Variants in SENP3 observed in about 807,000 individuals in gnomAD.
SENP3 encodes sentrin-specific protease 3.
A neutral mutation model predicts 66.2 loss-of-function variants in SENP3; 11 were observed. The ratio of observed to expected loss-of-function variants is 0.17; its 90% CI spans 0.10 to 0.28. The LOEUF (loss-of-function observed/expected upper bound fraction) is 0.28. Ranked by LOEUF, SENP3 falls within the 10% of genes least tolerant of loss-of-function variation. SENP3 has a pLI of 1.00. For synonymous variants in SENP3, 292 were observed against 277.6 expected (o/e 1.05, Z -0.52); for missense variants, 548 against 743.7 (o/e 0.74, Z 3.06).
Position 7,563,672 on chromosome 17 carries a change from T to G in SENP3, c.596T>G (p.Leu199Arg). 1 of 1,612,560 alleles carries G rather than the reference T, an allele frequency of 6.2e-7. No individual in the cohort carries two copies. Among genetic ancestry groups the G allele is most frequent in the Non-Finnish European group, 8.5e-7 (1 of 1,179,544 alleles). Residue 199 changes from leucine to arginine, a missense_variant, in exon 2 of 11, where the codon CTG (leucine) becomes CGG (arginine). By Grantham distance (102) the Leu-to-Arg change is moderately radical (BLOSUM62 -2). Transcript: ENST00000321337. ...PRGPPPPRLG[L>R]LGALMAEDGV... is the part of the protein sequence containing the mutation. ...GGGCCACCTCCACCCCGGCTGGGTC[T>G]GCTAGGTGCTCTCATGGCTGAGGAT...
rs764217881 is a variant in SENP3 at position 7,570,453 on chromosome 17, A to C, written c.1439A>C (p.Tyr480Ser). The change falls in exon 8 of 11, where the codon TAT (tyrosine) becomes TCT (serine). Residue 480 changes from tyrosine (Y) to serine (S), a missense_variant. Physicochemically the swap from Tyr to Ser is moderately radical, Grantham distance 144. Coordinates refer to ENST00000321337, the MANE Select transcript of SENP3 (RefSeq NM_015670.6). The surrounding 1 kb of genome is among the most constrained non-coding windows in gnomAD (Gnocchi z 5.4). ...SVDVRRRTIT[Y>S]FDSQRTLNRR... ...GATGTGAGGCGACGCACCATCACCT[A>C]TTTTGACTCGCAGCGTACCCTAAAC... is the stretch of plus-strand genomic sequence containing the variant. 2 of 1,613,678 alleles carry C rather than the reference A, an allele frequency of 1.2e-6. No homozygotes were observed. Among genetic ancestry groups the C allele is most frequent in the Admixed American group, 1.7e-5 (1 of 60,000 alleles).
chr17:7,562,741 A>G lies in SENP3; in HGVS notation c.-11-325A>G. Among the ~76,000 whole-genome samples the G allele has an allele frequency of 6.6e-6, 1 of 152,148 alleles. No homozygotes were observed. The highest frequency in any genetic ancestry group is 1.9e-4 in the East Asian group (1 of 5,196). ...AGAAACTGCCCTTGTTGGGCCCTCAAAGGACAGCCCTGGTGGTATTAAAAT... is the reference window on the plus strand; with the variant it reads ...AGAAACTGCCCTTGTTGGGCCCTCAGAGGACAGCCCTGGTGGTATTAAAAT... On this transcript the variant is annotated intron_variant, in intron 1 of 10. Transcript: ENST00000321337. This position sits in a 1 kb window ranked among gnomAD's most constrained non-coding sequence, Gnocchi z 5.0.
In SENP3 at chr17:7,563,272, C is replaced by A. The variant is rs954014960; in HGVS notation, c.196C>A (p.Pro66Thr). The change falls in exon 2 of 11, where the codon CCC (proline) becomes ACC (threonine). Residue 66 changes from proline (P) to threonine (T), a missense_variant. Physicochemically the swap from Pro to Thr is conservative, Grantham distance 38. Around this residue, in one of 6 missense-constraint regions of SENP3, gnomAD observed 164 missense variants for 167.9 expected, o/e 0.98. Transcript: ENST00000321337. ...TTVPARRLPV[P>T]RPSFDASASE... is the part of the protein sequence containing the mutation. ...AGTGCCAGCCAGACGCCTCCCTGTC[C>A]CCCGACCCTCTTTTGATGCCTCAGC... The A allele has an allele frequency of 7.7e-6, 12 of 1,554,186 alleles. No homozygotes were observed. The East Asian group carries it at 2.2e-4, about 28-fold the overall frequency.
At position 7,561,936 on chromosome 17, in the gene SENP3, C is replaced by T. The variant is rs2071216780; in HGVS notation, c.-339C>T. The T allele has an allele frequency of 5.1e-6, 2 of 388,456 alleles. No individual in the cohort carries two copies. The highest frequency in any genetic ancestry group is 4.6e-6 in the Non-Finnish European group (1 of 219,114). 24.1% of individuals were successfully genotyped at this position (388,456 alleles called of 1,614,324 possible). A position where few individuals can be genotyped will look rare whatever the true frequency, so the allele number is the denominator to read the frequency against. ...CGCCGGGTGTGACGTACTAATCGTG[C>T]GCCACCGCTGCCGGTGGGCCCGGGG... On this transcript the variant is annotated 5_prime_UTR_variant, in exon 1 of 11. Transcript: ENST00000321337. The surrounding 1 kb of genome is among the most constrained non-coding windows in gnomAD (Gnocchi z 4.4).
chr17:7,564,914 G>A, intron 3 of SENP3, 45 bp from the exon 4 acceptor site: 1 of 1,607,436 alleles, frequency 6.2e-7, no homozygotes, highest in Non-Finnish European at 8.5e-7. Context: ...GACTCCTAGA[G>A]GAGAGTCTGG....
intron 7 of SENP3, among the ~76,000 whole-genome samples, chr17:7,567,453 A>G (rs1055070160): frequency 1.3e-5 from 2 of 151,688 alleles, no homozygotes; most frequent in African/African-American, 4.9e-5. Context: ...TGGGAGGCAG[A>G]GGTTGCAGTG....
rs777356735 is a variant in SENP3 at position 7,564,635 on chromosome 17, A to G, written c.726A>G (p.Ser242=). Residue 242 remains serine (S), a synonymous_variant, in exon 3 of 11, where the codon TCA becomes TCG. Transcript: ENST00000321337. ...SPLDPDSGLL[S]CTLPNGFGGQ... is the part of the protein sequence containing the mutation. The stretch of plus-strand genomic sequence containing the variant: ...TCCCCTGCCCTATAGGCCTCCTTTC[A>G]TGTACTCTGCCCAACGGTTTTGGGG... 8 of 1,613,744 alleles carry G rather than the reference A, an allele frequency of 5.0e-6. No individual in the cohort carries two copies. Among genetic ancestry groups the G allele is most frequent in the East Asian group, 2.2e-5 (1 of 44,890 alleles).
In SENP3 at chr17:7,563,406, G is replaced by GGGGGGCC; in HGVS notation, c.330_331insGGGGGCC (p.Pro111GlyfsTer79). On this transcript the variant is annotated frameshift_variant, in exon 2 of 11. Coordinates refer to ENST00000321337, the MANE Select transcript of SENP3 (RefSeq NM_015670.6). LOFTEE classifies it high-confidence loss of function. ...GGAGTCAGCTGGGAACCTCCCAGCG[G>GGGGGGCC]CCCCGCCCTTCCCGCCCCACTCATC... The GGGGGGCC allele has an allele frequency of 1.3e-6, 2 of 1,547,550 alleles. No individual in the cohort carries two copies. The highest frequency in any genetic ancestry group is 1.7e-6 in the Non-Finnish European group (2 of 1,144,046).
At position 7,564,591 on chromosome 17, in the gene SENP3, C is replaced by G. The variant is rs757526373; in HGVS notation, c.716-34C>G. On this transcript the variant is annotated intron_variant, in intron 2 of 10. Transcript: ENST00000321337. ...CCCATTGTGCTTTCCCCAGGCCAGTCTCTCATGCCCATTCCATTTCCCCTG... is the reference window on the plus strand; with the variant it reads ...CCCATTGTGCTTTCCCCAGGCCAGTGTCTCATGCCCATTCCATTTCCCCTG... 58 of 1,612,052 alleles carry G rather than the reference C, an allele frequency of 3.6e-5. No individual in the cohort carries two copies. The Admixed American group carries it at 9.7e-4, about 27-fold the overall frequency.
Position 7,570,422 on chromosome 17 carries a change from T to C in SENP3, c.1408T>C (p.Ser470Pro). 6.2e-7 allele frequency: 1 copy of C among 1,613,820 alleles called. No individual in the cohort carries two copies. Among genetic ancestry groups the C allele is most frequent in the Non-Finnish European group, 8.5e-7 (1 of 1,179,866 alleles). Reference sequence around the variant, plus strand: ...CCTGGAGGTGCATTGGTCCCTCATCTCTGTTGATGTGAGGCGACGCACCAT... The same window carrying C: ...CCTGGAGGTGCATTGGTCCCTCATCCCTGTTGATGTGAGGCGACGCACCAT... ...IHLEVHWSLI[S>P]VDVRRRTITY... The change falls in exon 8 of 11, where the codon TCT (serine) becomes CCT (proline). Residue 470 changes from serine (S) to proline (P), a missense_variant. Ser to Pro is a moderately conservative substitution (Grantham distance 74). This residue lies in a region of SENP3 where 81 missense variants were observed against 139.8 expected (regional missense o/e 0.58). Transcript: ENST00000321337. The surrounding 1 kb of genome is among the most constrained non-coding windows in gnomAD (Gnocchi z 5.4).
rs544419637 is a variant in SENP3, at chr17:7,564,738, G to A, written c.829G>A (p.Gly277Arg). 11 of 1,614,030 alleles carry A rather than the reference G, an allele frequency of 6.8e-6. No homozygotes were observed. The African/African-American group carries it at 8.0e-5, about 12-fold the overall frequency. Residue 277 changes from glycine (G) to arginine (R), a missense_variant, in exon 3 of 11, where the codon GGG becomes AGG. Gly to Arg is a moderately radical substitution (Grantham distance 125). Coordinates refer to ENST00000321337, the MANE Select transcript of SENP3 (RefSeq NM_015670.6). ...CCTCATCAGCAATGTGTGCAGCATCGGGGACCATGTGGCCCAGGAGCTTTT... is the reference window on the plus strand; with the variant it reads ...CCTCATCAGCAATGTGTGCAGCATCAGGGACCATGTGGCCCAGGAGCTTTT... ...SILISNVCSI[G>R]DHVAQELFQG...
rs377313690 is a variant in SENP3, at chr17:7,565,006, A to G, written c.1003A>G (p.Ser335Gly). Reference sequence around the variant, plus strand: ...AACGTATGGCAGCCTCATACCCCTCAGCACTGATGAGGTAGTAGAGAAGCT... The same window carrying G: ...AACGTATGGCAGCCTCATACCCCTCGGCACTGATGAGGTAGTAGAGAAGCT... ...LQTYGSLIPL[S>G]TDEVVEKLED... Residue 335 changes from serine (S) to glycine (G), a missense_variant, in exon 4 of 11, where the codon AGC becomes GGC. Ser to Gly is a moderately conservative substitution (Grantham distance 56). This residue lies in a region of SENP3 where 72 missense variants were observed against 137.9 expected (regional missense o/e 0.52). Coordinates refer to ENST00000321337, the MANE Select transcript of SENP3 (RefSeq NM_015670.6). The G allele has an allele frequency of 6.2e-7, 1 of 1,613,724 alleles. No individual in the cohort carries two copies.
Position 7,571,595 on chromosome 17 carries a change from G to T in SENP3, c.*112G>T. On this transcript the variant is annotated 3_prime_UTR_variant, in exon 11 of 11. Transcript: ENST00000321337. ...GCCTCTTCCCACTCACTTCCCTTTG[G>T]TTTTTCATATTTAAATGTTTCAATT... 4.5e-6 allele frequency: 3 copies of T among 665,894 alleles called. No individual in the cohort carries two copies. The highest frequency in any genetic ancestry group is 3.6e-5 in the South Asian group (2 of 56,018). The allele number at this position is 665,894 out of a possible 1,614,324, so 41.2% of individuals were successfully genotyped here. A position where few individuals can be genotyped will look rare whatever the true frequency, so the allele number is the denominator to read the frequency against.
intron 10 of SENP3, among the ~76,000 whole-genome samples, chr17:7,571,160 G>GCTAA (rs1048255718): frequency 8.3e-4 from 127 of 152,288 alleles, no homozygotes; most frequent in African/African-American, 2.7e-3. Context: ...AGAGCTCCCT[G>GCTAA]CTAACCTCCA....
Position 7,562,001 on chromosome 17 carries a change from CGGCGGCGGTGGCGCTGGTGGCGGCGGT to C in SENP3, c.-268_-242del, listed in dbSNP as rs1378376645. ...AGGAGGAGGGGGGGAGGAGTGGCGG[CGGCGGCGGTGGCGCTGGTGGCGGCGGT>C]GGCGGAGGTGGAGGTGGAGGTGGAA... On this transcript the variant is annotated 5_prime_UTR_variant, in exon 1 of 11. Coordinates refer to ENST00000321337, the MANE Select transcript of SENP3 (RefSeq NM_015670.6). This position sits in a 1 kb window ranked among gnomAD's most constrained non-coding sequence, Gnocchi z 5.0. 2.5e-4 allele frequency: 98 copies of C among 398,376 alleles called. No homozygotes were observed. The highest frequency in any genetic ancestry group is 1.9e-3 in the Middle Eastern group (3 of 1,608). 24.7% of individuals were successfully genotyped at this position (398,376 alleles called of 1,614,324 possible).
At chr17:7,564,387 TTTTC>T (rs2150918998) in intron 2 of SENP3, 1 of 687,758 alleles carries the variant, frequency 1.5e-6, no homozygotes, top group Non-Finnish European at 2.6e-6. Flanking sequence ...TGCTAATCCT[TTTTC>T]TTTCTTCCTG....
intron 7 of SENP3, among the ~76,000 whole-genome samples, chr17:7,568,227 G>A (rs1314698732): frequency 1.3e-5 from 2 of 151,590 alleles, no homozygotes; most frequent in Admixed American, 6.6e-5. Context: ...TTCCTGGGAG[G>A]GGAATGGGGC....
rs2071324153 is a variant in SENP3, at chr17:7,571,877, ATATATATATATATATATATATATATATAT to A, written c.*395_*423del. 4 of 11,552 alleles carry A rather than the reference ATATATATATATATATATATATATATATAT, an allele frequency of 3.5e-4. No homozygotes were observed. Among genetic ancestry groups the A allele is most frequent in the East Asian group, 1.7e-3 (1 of 598 alleles). 0.7% of individuals were successfully genotyped at this position (11,552 alleles called of 1,614,324 possible). ...TATATATATATATATATATATATAT[ATATATATATATATATATATATATATATAT>A]ATAAAAATATATAAATGCCACGGTC... On this transcript the variant is annotated 3_prime_UTR_variant, in exon 11 of 11. Transcript: ENST00000321337.
chr17:7,563,757 G>T lies in SENP3; in HGVS notation c.681G>T (p.Arg227Ser), dbSNP rs781373129. The change falls in exon 2 of 11, where the codon AGG (arginine) becomes AGT (serine). Residue 227 changes from arginine to serine, a missense_variant. By Grantham distance (110) the Arg-to-Ser change is moderately radical (BLOSUM62 -1). Around this residue, in one of 6 missense-constraint regions of SENP3, gnomAD observed 215 missense variants for 230.7 expected, o/e 0.93. Transcript: ENST00000321337. ...SGPPMEEDGL[R>S]WTPKSPLDPD... Reference sequence around the variant, plus strand: ...CCCCCATGGAGGAAGATGGACTCAGGTGGACTCCAAAGTCTCCTCTGGACC... The same window carrying T: ...CCCCCATGGAGGAAGATGGACTCAGTTGGACTCCAAAGTCTCCTCTGGACC... The T allele has an allele frequency of 2.5e-5, 40 of 1,612,284 alleles. No individual in the cohort carries two copies. The highest frequency in any genetic ancestry group is 3.2e-5 in the Non-Finnish European group (38 of 1,179,644).
Sources: gnomAD v4.1 joint callset for allele counts (sites outside exome capture counted in the v4.1 genomes callset) on GRCh38, gnomAD v4.1.1 for gene constraint, gnomAD v4.1.1 regional missense constraint, Gnocchi (gnomAD v3.1) non-coding constraint, MANE v1.5 for transcripts, NCBI Gene and HGNC (gene_info 2026-07-23, HGNC 2026-07-21) for gene names.